Variants in B3GALT1 observed in about 807,000 individuals in gnomAD.
B3GALT1 encodes beta-1,3-galactosyltransferase 1, also known as UDP-Gal:betaGlcNAc beta 1,3-galactosyltransferase, polypeptide 1.
B3GALT1 carries 10 observed loss-of-function variants against 23.2 expected under a neutral mutation model. The observed-to-expected ratio is 0.43, with a 90% CI of 0.27 to 0.73. The LOEUF is 0.73. Ranked by LOEUF, B3GALT1 falls within the 30% of genes least tolerant of loss-of-function variation. The pLI is 0.21. For synonymous variants in B3GALT1, 156 were observed against 141.5 expected (o/e 1.10, Z -0.73); for missense variants, 299 against 405.4 (o/e 0.74, Z 2.25).
intron 1 of B3GALT1, among the ~76,000 whole-genome samples, chr2:167,414,245 C>T (rs1698434401): frequency 6.6e-6 from 1 of 152,058 alleles, no homozygotes; most frequent in Non-Finnish European, 1.5e-5. Flanking sequence ...GTCTTTACTT[C>T]CTAAGAGAAT....
At chr2:167,778,379 A>G (rs930838166) in intron 3 of B3GALT1, among the ~76,000 whole-genome samples, 1 of 151,202 alleles carries the variant, frequency 6.6e-6, no homozygotes, top group East Asian at 2.0e-4. Flanking sequence ...TTTGTCTTCT[A>G]TTCTTCTATC....
At chr2:167,331,394 C>T (rs1224333526) in intron 1 of B3GALT1, among the ~76,000 whole-genome samples, 1 of 152,104 alleles carries the variant, frequency 6.6e-6, no homozygotes, top group Non-Finnish European at 1.5e-5. Context: ...TTCCCAAGTC[C>T]TTGGGCAGTG....
chr2:167,475,786 A>G (rs1245833649), intron 1 of B3GALT1, among the ~76,000 whole-genome samples: 2 of 152,064 alleles, frequency 1.3e-5, no homozygotes, highest in African/African-American at 4.8e-5. Context: ...CTGGGGTCTG[A>G]AAGTTTGCGA....
chr2:167,443,168 A>G (rs891880259), intron 1 of B3GALT1, among the ~76,000 whole-genome samples: 6 of 151,926 alleles, frequency 3.9e-5, no homozygotes, highest in Non-Finnish European at 5.9e-5. Context: ...CAGGTTTGTC[A>G]AAGATCAGAT....
intron 1 of B3GALT1, among the ~76,000 whole-genome samples, chr2:167,444,544 A>G (rs903099631): frequency 3.3e-5 from 5 of 151,950 alleles, no homozygotes; most frequent in Non-Finnish European, 5.9e-5. Context: ...TCAATTTCAG[A>G]TCCTGTTATT....
chr2:167,455,373 A>G (rs905357700), intron 1 of B3GALT1, among the ~76,000 whole-genome samples: 10 of 152,218 alleles, frequency 6.6e-5, no homozygotes, highest in African/African-American at 2.4e-4. Flanking sequence ...CCCATTCCTT[A>G]CTTCATTAAA....
chr2:167,407,498 G>T (rs759205765), intron 1 of B3GALT1, among the ~76,000 whole-genome samples: 9 of 150,918 alleles, frequency 6.0e-5, no homozygotes, highest in Non-Finnish European at 1.2e-4. Flanking sequence ...AATCAGAGCA[G>T]AAATAAATGA....
intron 2 of B3GALT1, among the ~76,000 whole-genome samples, chr2:167,514,169 A>C (rs1700068574): frequency 6.6e-6 from 1 of 152,146 alleles, no homozygotes; most frequent in Non-Finnish European, 1.5e-5. Flanking sequence ...AGCCTCCCAA[A>C]GTGCTGGGAT....
chr2:167,773,276 T>A (rs1176462108), intron 3 of B3GALT1, among the ~76,000 whole-genome samples: 1 of 152,148 alleles, frequency 6.6e-6, no homozygotes, highest in Non-Finnish European at 1.5e-5. Context: ...TGCAAATATG[T>A]ATTGTGTATA....
intron 2 of B3GALT1, among the ~76,000 whole-genome samples, chr2:167,595,267 C>A (rs1684756300): frequency 6.6e-6 from 1 of 152,090 alleles, no homozygotes; most frequent in African/African-American, 2.4e-5. Context: ...TTATAAAGTT[C>A]TCTGGGGGTA....
At chr2:167,563,220 G>T (rs1226352256) in intron 2 of B3GALT1, among the ~76,000 whole-genome samples, 2 of 147,708 alleles carry the variant, frequency 1.4e-5, no homozygotes, top group South Asian at 4.3e-4. Context: ...CTCCCAGCAG[G>T]TGCAGCCGGG....
intron 2 of B3GALT1, among the ~76,000 whole-genome samples, chr2:167,502,401 A>G (rs1699860330): frequency 3.3e-5 from 5 of 152,174 alleles, no homozygotes; most frequent in South Asian, 2.1e-4. Context: ...CCACAAATGT[A>G]TAGGATTTTA....
At chr2:167,295,458 T>G (rs1306949934) in intron 1 of B3GALT1, among the ~76,000 whole-genome samples, 1 of 152,232 alleles carries the variant, frequency 6.6e-6, no homozygotes, top group African/African-American at 2.4e-5. Flanking sequence ...GTTTCTTTTA[T>G]GCAATACTAT....
chr2:167,699,672 C>T lies in B3GALT1; in HGVS notation c.-352+52706C>T, dbSNP rs145291509. Among the ~76,000 whole-genome samples, 13 of 152,176 alleles carry T rather than the reference C, an allele frequency of 8.5e-5. No individual in the cohort carries two copies. The East Asian group carries it at 2.5e-3, about 29-fold the overall frequency. ...AAAATGTTAGGGAACATAGAGTCCA[C>T]TTACCTTACATAGGCAAGAATATGA... is the stretch of plus-strand genomic sequence containing the variant. On this transcript the variant is annotated intron_variant, in intron 3 of 4. Coordinates refer to ENST00000392690, the MANE Select transcript of B3GALT1 (RefSeq NM_020981.4).
chr2:167,450,287 G>T (rs74730311), intron 1 of B3GALT1, among the ~76,000 whole-genome samples: 4,670 of 151,718 alleles, frequency 0.031, 225 homozygotes, highest in African/African-American at 0.11. Context: ...TATTGGTCTA[G>T]TTATAGTTTC....
intron 1 of B3GALT1, among the ~76,000 whole-genome samples, chr2:167,336,102 C>A (rs932895558): frequency 6.6e-6 from 1 of 152,000 alleles, no homozygotes; most frequent in Non-Finnish European, 1.5e-5. Flanking sequence ...TTACTAATAT[C>A]TTGGTGGTGG....
intron 1 of B3GALT1, among the ~76,000 whole-genome samples, chr2:167,374,024 C>G (rs1275646505): frequency 6.6e-6 from 1 of 152,150 alleles, no homozygotes; most frequent in Admixed American, 6.5e-5. Flanking sequence ...CTCTTCTCCC[C>G]CTCTAGTAGT....
chr2:167,795,823 A>G (rs1318366512), intron 3 of B3GALT1, among the ~76,000 whole-genome samples: 1 of 152,248 alleles, frequency 6.6e-6, no homozygotes, highest in Non-Finnish European at 1.5e-5. Context: ...TGAACTTTGA[A>G]TGGTCAGCAA....
chr2:167,715,203 C>T (rs1378574529), intron 3 of B3GALT1: 1 of 1,613,856 alleles, frequency 6.2e-7, no homozygotes, highest in Non-Finnish European at 8.5e-7. Flanking sequence ...AAGTTATCAT[C>T]ATCCGTTGTG....
Sources: gnomAD v4.1 joint callset for allele counts (sites outside exome capture counted in the v4.1 genomes callset) on GRCh38, gnomAD v4.1.1 for gene constraint, MANE v1.5 for transcripts, NCBI Gene and HGNC (gene_info 2026-07-23, HGNC 2026-07-21) for gene names.